The following KHDRBS2 variants were observed in gnomAD, a reference collection of about 807,000 sequenced individuals.
The protein encoded by KHDRBS2 is KH RNA binding domain containing, signal transduction associated 2.
In KHDRBS2, 26 loss-of-function variants were observed where a neutral mutation model predicts 44.3. The observed-to-expected ratio is 0.59, with a 90% CI of 0.43 to 0.81. KHDRBS2 has a LOEUF of 0.81. Among genes scored for constraint, KHDRBS2 ranks in the 40% least tolerant of loss-of-function variants. The pLI, the probability that KHDRBS2 is intolerant of heterozygous loss-of-function variation, is 0.00. For missense variants in KHDRBS2, 476 were observed against 433.1 expected (o/e 1.10, Z -0.88); for synonymous variants, 194 against 151.1 (o/e 1.28, Z -2.08).
the KHDRBS2 span, among the ~76,000 whole-genome samples, chr6:61,560,817 G>T: frequency 6.6e-6 from 1 of 152,122 alleles, no homozygotes; most frequent in Non-Finnish European, 1.5e-5. Flanking sequence ...TGTCTCTCAT[G>T]CTTTATTAAG....
intron 2 of KHDRBS2, among the ~76,000 whole-genome samples, chr6:62,171,949 G>A (rs1386679527): frequency 6.6e-6 from 1 of 151,966 alleles, no homozygotes. Context: ...GGAAACAAAC[G>A]ACCATTATGC....
the KHDRBS2 span, among the ~76,000 whole-genome samples, chr6:61,561,426 C>T: frequency 0.19 from 29,365 of 152,076 alleles, 3,282 homozygotes; most frequent in African/African-American, 0.3. Context: ...GGTCCTTCTA[C>T]GAAGGGCAGT....
chr6:62,113,375 A>G (rs1805475286), intron 2 of KHDRBS2, among the ~76,000 whole-genome samples: 1 of 152,182 alleles, frequency 6.6e-6, no homozygotes, highest in African/African-American at 2.4e-5. Context: ...TAATGTGGTT[A>G]AAATATATTA....
chr6:61,845,636 C>A (rs1205677367), intron 6 of KHDRBS2, among the ~76,000 whole-genome samples: 1 of 152,140 alleles, frequency 6.6e-6, no homozygotes. Flanking sequence ...TTCATGTCAC[C>A]TTTGAGATCA....
intron 6 of KHDRBS2, among the ~76,000 whole-genome samples, chr6:61,783,082 G>T (rs1783257382): frequency 6.6e-6 from 1 of 152,020 alleles, no homozygotes; most frequent in Non-Finnish European, 1.5e-5. Context: ...ACAGGGGAAT[G>T]AATAATTGAG....
At chr6:61,816,006 G>T (rs1395348760) in intron 6 of KHDRBS2, among the ~76,000 whole-genome samples, 1 of 152,086 alleles carries the variant, frequency 6.6e-6, no homozygotes, top group Non-Finnish European at 1.5e-5. Context: ...AATACCAAAA[G>T]TTCCTTAGTA....
At chr6:62,272,511 C>T (rs2150189600) in intron 1 of KHDRBS2, among the ~76,000 whole-genome samples, 1 of 152,206 alleles carries the variant, frequency 6.6e-6, no homozygotes, top group South Asian at 2.1e-4. Context: ...AGTAAGGATC[C>T]AACAGCATGC....
At chr6:62,035,750 A>G (rs1475413227) in intron 3 of KHDRBS2, among the ~76,000 whole-genome samples, 3 of 152,064 alleles carry the variant, frequency 2.0e-5, no homozygotes, top group Non-Finnish European at 4.4e-5. Flanking sequence ...AAAACATCTT[A>G]TGTACCCCAT....
At chr6:61,927,159 T>A (rs1234818906) in intron 4 of KHDRBS2, among the ~76,000 whole-genome samples, 2 of 151,786 alleles carry the variant, frequency 1.3e-5, no homozygotes, top group Non-Finnish European at 2.9e-5. Flanking sequence ...GAGGCAAGAG[T>A]AACAACAACA....
chr6:61,920,073 T>C (rs556020289), intron 4 of KHDRBS2, among the ~76,000 whole-genome samples: 1 of 152,014 alleles, frequency 6.6e-6, no homozygotes, highest in African/African-American at 2.4e-5. Context: ...AGTGGTAAAA[T>C]TTGCATTGCT....
At chr6:62,091,811 T>C (rs1004203084) in intron 2 of KHDRBS2, among the ~76,000 whole-genome samples, 2 of 152,208 alleles carry the variant, frequency 1.3e-5, no homozygotes, top group African/African-American at 4.8e-5. Context: ...TACTGTTGTT[T>C]GTTGAACTAT....
At chr6:61,814,353 T>C (rs1212326995) in intron 6 of KHDRBS2, among the ~76,000 whole-genome samples, 1 of 152,158 alleles carries the variant, frequency 6.6e-6, no homozygotes, top group Non-Finnish European at 1.5e-5. Context: ...GGCTCGTGCC[T>C]GAAATCCCAG....
At chr6:62,032,445 C>T (rs890605792) in intron 3 of KHDRBS2, among the ~76,000 whole-genome samples, 1 of 151,898 alleles carries the variant, frequency 6.6e-6, no homozygotes, top group African/African-American at 2.4e-5. Context: ...CGGACTGGCT[C>T]TCCTTGCTCC....
the KHDRBS2 span, among the ~76,000 whole-genome samples, chr6:61,591,241 A>T: frequency 3.0e-3 from 459 of 152,324 alleles, 4 homozygotes; most frequent in African/African-American, 0.011. Context: ...TTGCACCACA[A>T]TGAAAAACTA....
At chr6:62,158,263 A>G (rs185974) in intron 2 of KHDRBS2, among the ~76,000 whole-genome samples, 25,988 of 152,044 alleles carry the variant, frequency 0.17, 2,501 homozygotes, top group African/African-American at 0.26. Context: ...AAATGAAAAA[A>G]CAGAAGAAGC....
chr6:62,188,226 A>G (rs765158667), intron 1 of KHDRBS2, among the ~76,000 whole-genome samples: 1 of 152,062 alleles, frequency 6.6e-6, no homozygotes, highest in Non-Finnish European at 1.5e-5. Flanking sequence ...GAGAGGACAA[A>G]TATTCAAACC....
the KHDRBS2 span, among the ~76,000 whole-genome samples, chr6:61,624,023 A>G: frequency 2.6e-5 from 4 of 152,184 alleles, no homozygotes; most frequent in African/African-American, 9.7e-5. Context: ...ATGGCCTAAC[A>G]CTGGAAAAGA....
chr6:61,585,214 A>G, the KHDRBS2 span, among the ~76,000 whole-genome samples: 1 of 151,974 alleles, frequency 6.6e-6, no homozygotes, highest in Admixed American at 6.6e-5. Context: ...AGTGATAAAA[A>G]AAAATGTTCA....
intron 7 of KHDRBS2, among the ~76,000 whole-genome samples, chr6:61,728,933 C>A (rs1774006233): frequency 1.3e-5 from 2 of 151,976 alleles, no homozygotes; most frequent in Middle Eastern, 3.2e-3. Flanking sequence ...TCTTCAAAGA[C>A]CTAAAGCCAT....
Sources: allele counts gnomAD v4.1 joint callset (sites outside exome capture counted in the v4.1 genomes callset), GRCh38; gene constraint gnomAD v4.1.1; transcripts MANE v1.5; gene names NCBI Gene and HGNC (gene_info 2026-07-23, HGNC 2026-07-21).